Variants in MIS18A observed in about 807,000 individuals in gnomAD.
MIS18A encodes protein Mis18-alpha.
A neutral mutation model predicts 25.0 loss-of-function variants in MIS18A; 14 were observed. The ratio of observed to expected loss-of-function variants is 0.56; its 90% CI spans 0.37 to 0.88. The LOEUF (loss-of-function observed/expected upper bound fraction) is 0.88. Ranked by LOEUF, MIS18A falls within the 40% of genes least tolerant of loss-of-function variation. MIS18A has a pLI of 0.00. For missense variants in MIS18A, 292 were observed against 290.8 expected (o/e 1.00, Z -0.03); for synonymous variants, 134 against 118.6 (o/e 1.13, Z -0.84).
At chr21:32,241,789 G>A in the MIS18A span, among the ~76,000 whole-genome samples, 1 of 152,172 alleles carries the variant, frequency 6.6e-6, no homozygotes, top group Admixed American at 6.5e-5. Flanking sequence ...CTGCCTTATC[G>A]AGCTATTTTC....
the MIS18A span, among the ~76,000 whole-genome samples, chr21:32,161,225 C>A: frequency 6.6e-6 from 1 of 152,182 alleles, no homozygotes; most frequent in Non-Finnish European, 1.5e-5. Flanking sequence ...TCAAGAATCC[C>A]ATCGAGGATA....
At chr21:32,199,784 C>T in the MIS18A span, among the ~76,000 whole-genome samples, 1 of 152,018 alleles carries the variant, frequency 6.6e-6, no homozygotes, top group African/African-American at 2.4e-5. Flanking sequence ...CCAGCCTGGG[C>T]AACAGAGCGA....
chr21:32,216,082 AAGTC>A, the MIS18A span, among the ~76,000 whole-genome samples: 2 of 152,196 alleles, frequency 1.3e-5, no homozygotes, highest in African/African-American at 4.8e-5. Context: ...AACCAAAAAA[AAGTC>A]AGAATCAAAT....
the MIS18A span, among the ~76,000 whole-genome samples, chr21:32,241,936 T>G: frequency 1.3e-5 from 2 of 152,216 alleles, no homozygotes; most frequent in African/African-American, 4.8e-5. Context: ...TGGAGTGCAG[T>G]GGCGCCATCT....
At chr21:32,220,065 C>T in the MIS18A span, among the ~76,000 whole-genome samples, 8 of 152,348 alleles carry the variant, frequency 5.3e-5, no homozygotes, top group Admixed American at 1.3e-4. Flanking sequence ...CAGACTTAAA[C>T]GTTCCTGCCT....
chr21:32,164,248 C>T, the MIS18A span, among the ~76,000 whole-genome samples: 1 of 152,062 alleles, frequency 6.6e-6, no homozygotes, highest in South Asian at 2.1e-4. Context: ...AAGCATCCTG[C>T]ACAGATTTTA....
chr21:32,219,043 G>A, the MIS18A span, among the ~76,000 whole-genome samples: 3 of 150,598 alleles, frequency 2.0e-5, no homozygotes, highest in African/African-American at 7.4e-5. Context: ...ACTCTAGCCT[G>A]GGTGACAGAG....
the MIS18A span, among the ~76,000 whole-genome samples, chr21:32,170,921 G>A: frequency 6.6e-6 from 1 of 152,022 alleles, no homozygotes; most frequent in East Asian, 1.9e-4. Flanking sequence ...AAAAGCATTC[G>A]ACAAAATCCA....
the MIS18A span, among the ~76,000 whole-genome samples, chr21:32,192,954 T>C: frequency 6.6e-6 from 1 of 152,162 alleles, no homozygotes; most frequent in African/African-American, 2.4e-5. Flanking sequence ...GTTTGCCTGA[T>C]TAAATCAGAT....
At chr21:32,197,015 T>C in the MIS18A span, among the ~76,000 whole-genome samples, 17 of 151,964 alleles carry the variant, frequency 1.1e-4, no homozygotes, top group Non-Finnish European at 2.1e-4. Flanking sequence ...ATTAATATTT[T>C]AATCTCAGGA....
At chr21:32,265,212 T>C (rs2031570707), downstream of MIS18A, among the ~76,000 whole-genome samples, 1 of 152,208 alleles carries the variant, frequency 6.6e-6, no homozygotes, top group Admixed American at 6.5e-5. Flanking sequence ...CTCCCCTGCC[T>C]GGGCTCCCAC....
At chr21:32,181,125 C>G in the MIS18A span, among the ~76,000 whole-genome samples, 1 of 152,110 alleles carries the variant, frequency 6.6e-6, no homozygotes, top group Admixed American at 6.5e-5. Context: ...CACTGAAGGC[C>G]TGAGTAGAAC....
chr21:32,226,501 G>A, the MIS18A span, among the ~76,000 whole-genome samples: 1 of 151,796 alleles, frequency 6.6e-6, no homozygotes, highest in Non-Finnish European at 1.5e-5. Flanking sequence ...AGACAAAGAA[G>A]GACATTTTAT....
chr21:32,201,919 A>T, the MIS18A span, among the ~76,000 whole-genome samples: 1 of 152,306 alleles, frequency 6.6e-6, no homozygotes, highest in East Asian at 1.9e-4. Flanking sequence ...TATAAATAGA[A>T]AGCCGAGTAT....
chr21:32,225,021 A>C, the MIS18A span, among the ~76,000 whole-genome samples: 24 of 141,650 alleles, frequency 1.7e-4, no homozygotes, highest in Non-Finnish European at 3.0e-4. Flanking sequence ...AAAAACAAGC[A>C]GTGGGGAAAG....
chr21:32,213,574 T>G, the MIS18A span, among the ~76,000 whole-genome samples: 1 of 152,200 alleles, frequency 6.6e-6, no homozygotes, highest in Non-Finnish European at 1.5e-5. Context: ...GAAGAGAGTC[T>G]TTCTGCACTC....
the MIS18A span, among the ~76,000 whole-genome samples, chr21:32,179,658 G>T: frequency 6.6e-6 from 1 of 152,294 alleles, no homozygotes; most frequent in Admixed American, 6.5e-5. Context: ...TATGTACTGA[G>T]AGTTTCTCTC....
chr21:32,248,453 C>T, the MIS18A span, among the ~76,000 whole-genome samples: 1 of 152,182 alleles, frequency 6.6e-6, no homozygotes, highest in Non-Finnish European at 1.5e-5. Flanking sequence ...AGGAGTCAGA[C>T]ATATGGTAGG....
chr21:32,222,238 G>C, the MIS18A span, among the ~76,000 whole-genome samples: 1 of 152,118 alleles, frequency 6.6e-6, no homozygotes, highest in South Asian at 2.1e-4. Context: ...AACAAGAAAA[G>C]CTAATGATCT....
Sources: allele counts gnomAD v4.1 joint callset (sites outside exome capture counted in the v4.1 genomes callset), GRCh38; gene constraint gnomAD v4.1.1; transcripts MANE v1.5; gene names NCBI Gene and HGNC (gene_info 2026-07-23, HGNC 2026-07-21).